Variants in SLC44A5 observed in about 807,000 individuals in gnomAD.
SLC44A5 encodes the protein choline transporter-like protein 5.
A neutral mutation model predicts 101.8 loss-of-function variants in SLC44A5; 57 were observed. The observed-to-expected ratio is 0.56, with a 90% CI of 0.45 to 0.70. The LOEUF (loss-of-function observed/expected upper bound fraction) is 0.70. Among genes scored for constraint, SLC44A5 ranks in the 30% least tolerant of loss-of-function variants. The pLI is 0.00. For missense variants in SLC44A5, 737 were observed against 853.1 expected (o/e 0.86, Z 1.70); for synonymous variants, 281 against 290.9 (o/e 0.97, Z 0.35).
chr1:75,376,758 T>C (rs915372599), intron 3 of SLC44A5, among the ~76,000 whole-genome samples: 3 of 152,118 alleles, frequency 2.0e-5, no homozygotes, highest in Admixed American at 6.5e-5. Flanking sequence ...CTGGAAACTC[T>C]AAAAAGCAGA....
At chr1:75,530,011 T>A (rs1391757873) in intron 2 of SLC44A5, among the ~76,000 whole-genome samples, 1 of 152,154 alleles carries the variant, frequency 6.6e-6, no homozygotes, top group East Asian at 1.9e-4. Flanking sequence ...CTTTAAAAAT[T>A]ATGTGAATAT....
intron 2 of SLC44A5, among the ~76,000 whole-genome samples, chr1:75,451,309 C>T (rs1169787370): frequency 6.6e-6 from 1 of 152,132 alleles, no homozygotes; most frequent in Non-Finnish European, 1.5e-5. Context: ...AGTACCCAGA[C>T]ATGTTAGCCG....
chr1:75,341,653 A>C (rs893711951), intron 3 of SLC44A5, among the ~76,000 whole-genome samples: 3 of 152,168 alleles, frequency 2.0e-5, no homozygotes, highest in Non-Finnish European at 2.9e-5. Flanking sequence ...GCTGTGGGGC[A>C]CAGGGCGGGT....
chr1:75,601,564 T>G (rs1246135518), intron 1 of SLC44A5, among the ~76,000 whole-genome samples: 1 of 152,112 alleles, frequency 6.6e-6, no homozygotes, highest in Non-Finnish European at 1.5e-5. Flanking sequence ...TCCTTGAACT[T>G]AATACAATGT....
At chr1:75,687,986 A>C in the SLC44A5 span, among the ~76,000 whole-genome samples, 1 of 152,104 alleles carries the variant, frequency 6.6e-6, no homozygotes, top group South Asian at 2.1e-4. Flanking sequence ...AGTTATTGCT[A>C]ATTTCTTCCT....
the SLC44A5 span, among the ~76,000 whole-genome samples, chr1:75,659,743 C>T: frequency 1.3e-5 from 2 of 150,788 alleles, no homozygotes; most frequent in South Asian, 2.1e-4. Context: ...AGGCTGGTGA[C>T]AGAGTGAGAC....
At chr1:75,324,212 T>C (rs1656398976) in intron 4 of SLC44A5, among the ~76,000 whole-genome samples, 2 of 152,228 alleles carry the variant, frequency 1.3e-5, no homozygotes, top group African/African-American at 4.8e-5. Flanking sequence ...AGTTGTTATA[T>C]GAGAACTGTA....
chr1:75,358,024 A>G (rs78677900), intron 3 of SLC44A5, among the ~76,000 whole-genome samples: 2 of 147,934 alleles, frequency 1.4e-5, no homozygotes, highest in Non-Finnish European at 1.5e-5. Flanking sequence ...ACACACACAC[A>G]CACATACAAT....
the SLC44A5 span, among the ~76,000 whole-genome samples, chr1:75,656,946 C>T: frequency 7.2e-5 from 11 of 152,050 alleles, no homozygotes; most frequent in Admixed American, 6.6e-4. Flanking sequence ...ATCAGGAGTT[C>T]GAGACCAGCC....
intron 2 of SLC44A5, among the ~76,000 whole-genome samples, chr1:75,497,415 T>C (rs11163503): frequency 0.26 from 39,708 of 152,010 alleles, 6,989 homozygotes; most frequent in East Asian, 0.8. Flanking sequence ...ATCTCACTTA[T>C]TTGTGGAATC....
intron 14 of SLC44A5, among the ~76,000 whole-genome samples, chr1:75,220,692 C>T (rs2100504648): frequency 6.6e-6 from 1 of 152,192 alleles, no homozygotes; most frequent in Admixed American, 6.5e-5. Flanking sequence ...ACTTCTGTTA[C>T]ATGATCTTTT....
At chr1:75,565,427 A>G (rs1672739181) in intron 1 of SLC44A5, among the ~76,000 whole-genome samples, 1 of 152,260 alleles carries the variant, frequency 6.6e-6, no homozygotes, top group African/African-American at 2.4e-5. Context: ...AAGTTATAAC[A>G]GCAGCAGTTA....
At chr1:75,612,937 A>G (rs1052112125), upstream of SLC44A5, among the ~76,000 whole-genome samples, 1 of 152,210 alleles carries the variant, frequency 6.6e-6, no homozygotes, top group Non-Finnish European at 1.5e-5. Flanking sequence ...GGATTGTAAA[A>G]GATTCCATTG....
chr1:75,305,540 C>A (rs758244968), intron 4 of SLC44A5, among the ~76,000 whole-genome samples: 7 of 152,216 alleles, frequency 4.6e-5, no homozygotes, highest in Non-Finnish European at 7.3e-5. Flanking sequence ...CCCCAGGCTA[C>A]CTTTCTAGCT....
intron 2 of SLC44A5, among the ~76,000 whole-genome samples, chr1:75,438,868 G>A (rs776593963): frequency 1.3e-5 from 2 of 152,160 alleles, no homozygotes; most frequent in Non-Finnish European, 2.9e-5. Context: ...TCTCTTCAAA[G>A]ACTTCAGATA....
intron 3 of SLC44A5, among the ~76,000 whole-genome samples, chr1:75,343,340 G>C (rs1211894476): frequency 6.6e-6 from 1 of 151,984 alleles, no homozygotes; most frequent in Non-Finnish European, 1.5e-5. Flanking sequence ...TTCCAAACCA[G>C]AAATAATTCA....
intron 6 of SLC44A5, among the ~76,000 whole-genome samples, chr1:75,252,013 T>C (rs1177948788): frequency 6.6e-6 from 1 of 152,184 alleles, no homozygotes. Flanking sequence ...GGGCCTAAGA[T>C]AATGCGTAGT....
At chr1:75,431,626 G>C (rs530774385) in intron 2 of SLC44A5, among the ~76,000 whole-genome samples, 4 of 151,822 alleles carry the variant, frequency 2.6e-5, no homozygotes, top group Non-Finnish European at 5.9e-5. Context: ...GTGGGTTTTT[G>C]TTTTTTATTG....
At chr1:75,350,669 A>T (rs959334926) in intron 3 of SLC44A5, among the ~76,000 whole-genome samples, 1 of 151,630 alleles carries the variant, frequency 6.6e-6, no homozygotes, top group Non-Finnish European at 1.5e-5. Flanking sequence ...CCAAGGCGGG[A>T]GGATCACAAG....
Sources: allele counts gnomAD v4.1 joint callset (sites outside exome capture counted in the v4.1 genomes callset), GRCh38; gene constraint gnomAD v4.1.1; transcripts MANE v1.5; gene names NCBI Gene and HGNC (gene_info 2026-07-23, HGNC 2026-07-21).